The following PCSK2 variants were observed in gnomAD, a reference collection of about 807,000 sequenced individuals.
PCSK2 encodes the protein proprotein convertase subtilisin/kexin type 2.
PCSK2 carries 14 observed loss-of-function variants against 69.7 expected under a neutral mutation model. The observed-to-expected ratio is 0.20, with a 90% CI of 0.13 to 0.31. PCSK2 has a LOEUF of 0.31. PCSK2 is among the 10% of genes least tolerant of loss of function. PCSK2 has a pLI of 1.00. For missense variants in PCSK2, 544 were observed against 842.5 expected, an observed-to-expected ratio of 0.65 and a Z score of 4.39; for synonymous variants, 307 against 320.7, an observed-to-expected ratio of 0.96 and a Z score of 0.46.
chr20:17,390,271 A>T (rs938115819), intron 5 of PCSK2, among the ~76,000 whole-genome samples: 34 of 152,348 alleles, frequency 2.2e-4, no homozygotes, highest in African/African-American at 7.9e-4. Flanking sequence ...TGAGAAGGGC[A>T]TCATATGGTG....
chr20:17,247,098 T>C (rs1295510025), intron 1 of PCSK2, among the ~76,000 whole-genome samples: 2 of 152,146 alleles, frequency 1.3e-5, no homozygotes, highest in South Asian at 4.1e-4. Context: ...GAGAAAGAAA[T>C]GTTAGGAAGA....
chr20:17,390,052 G>A (rs1256739435), intron 5 of PCSK2, among the ~76,000 whole-genome samples: 12 of 152,350 alleles, frequency 7.9e-5, no homozygotes, highest in Admixed American at 5.9e-4. Flanking sequence ...TGTTTATACA[G>A]TGGAATACTA....
intron 8 of PCSK2, among the ~76,000 whole-genome samples, chr20:17,439,491 C>A (rs899252494): frequency 1.6e-4 from 25 of 152,302 alleles, no homozygotes; most frequent in African/African-American, 6.0e-4. Flanking sequence ...GCTTCTGTCC[C>A]TGTGTCCGTG....
chr20:17,437,213 A>G (rs565215500), intron 8 of PCSK2, among the ~76,000 whole-genome samples: 1 of 152,248 alleles, frequency 6.6e-6, no homozygotes, highest in Admixed American at 6.5e-5. Flanking sequence ...CTGCACTGGC[A>G]CCCCCACCAC....
intron 1 of PCSK2, among the ~76,000 whole-genome samples, chr20:17,246,812 A>G (rs1275721315): frequency 6.6e-6 from 1 of 151,928 alleles, no homozygotes; most frequent in African/African-American, 2.4e-5. Flanking sequence ...AAAAAAAAAA[A>G]GTGGTTTCTC....
chr20:17,458,134 A>G lies in PCSK2; in HGVS notation c.1202+1686A>G, dbSNP rs149617176. Among the ~76,000 whole-genome samples the G allele has an allele frequency of 5.9e-5, 9 of 152,344 alleles. 1 individual carries two copies. In the East Asian group the frequency reaches 9.6e-4, roughly 16 times the overall value. On this transcript the variant is annotated intron_variant, in intron 10 of 11. Transcript: ENST00000262545. ...CTGCTGGCATAAAGAGGAAAAAAATATAACACCTGGCAGCTTGTGGGTAAG... is the reference window on the plus strand; with the variant it reads ...CTGCTGGCATAAAGAGGAAAAAAATGTAACACCTGGCAGCTTGTGGGTAAG...
chr20:17,239,265 G>A (rs1402182284), intron 1 of PCSK2, among the ~76,000 whole-genome samples: 1 of 152,178 alleles, frequency 6.6e-6, no homozygotes, highest in East Asian at 1.9e-4. Context: ...AGTGATGATG[G>A]AAGCTCAAAC....
chr20:17,481,482 C>A, intron 11 of PCSK2, 102 bp from the exon 12 acceptor site: 1 of 1,046,744 alleles, frequency 9.6e-7, no homozygotes. Flanking sequence ...ATTGATCAAC[C>A]CCAAAGCCCT....
chr20:17,482,151 G>A lies in PCSK2; in HGVS notation c.*81G>A, dbSNP rs1029411406. 2.2e-5 allele frequency: 29 copies of A among 1,343,422 alleles called. No homozygotes were observed. The highest frequency in any genetic ancestry group is 2.9e-5 in the Non-Finnish European group (29 of 1,001,562). The allele number at this position is 1,343,422 out of a possible 1,614,324, so 83.2% of individuals were successfully genotyped here. A position where few individuals can be genotyped will look rare whatever the true frequency, so the allele number is the denominator to read the frequency against. ...GCTCCACGTTTCAGGCAGGCACCTA[G>A]CAATTCCATCACCCGTACAGGCAAT... On this transcript the variant is annotated 3_prime_UTR_variant, in exon 12 of 12. Coordinates refer to ENST00000262545, the MANE Select transcript of PCSK2 (RefSeq NM_002594.5).
At chr20:17,345,818 A>G (rs1347818557) in intron 2 of PCSK2, among the ~76,000 whole-genome samples, 1 of 152,096 alleles carries the variant, frequency 6.6e-6, no homozygotes, top group African/African-American at 2.4e-5. Flanking sequence ...AATACTCTCC[A>G]CCCACCCATC....
At position 17,294,098 on chromosome 20, in the gene PCSK2, C is replaced by CTTTTTTTT. The variant is rs34805695; in HGVS notation, c.282+33771_282+33778dup. On this transcript the variant is annotated intron_variant, in intron 2 of 11. Transcript: ENST00000262545. ...GTTGTAAACTTGTATAAAGTATTTT[C>CTTTTTTTT]TTTTTTTTTTTTTTTTTTTTTTTTG... is the stretch of plus-strand genomic sequence containing the variant. 2.2e-4 allele frequency among the ~76,000 whole-genome samples: 16 copies of CTTTTTTTT among 73,960 alleles called. 1 individual carries two copies. Among genetic ancestry groups the CTTTTTTTT allele is most frequent in the Admixed American group, 2.0e-4 (1 of 4,970 alleles). 48.5% of individuals were successfully genotyped at this position (73,960 alleles called of 152,430 possible).
At chr20:17,466,035 C>T (rs191302981) in intron 11 of PCSK2, among the ~76,000 whole-genome samples, 1 of 152,264 alleles carries the variant, frequency 6.6e-6, no homozygotes, top group African/African-American at 2.4e-5. Flanking sequence ...CAGGAGGCAC[C>T]ATTTACATAG....
At chr20:17,443,984 G>T (rs2032648291) in intron 8 of PCSK2, among the ~76,000 whole-genome samples, 1 of 152,188 alleles carries the variant, frequency 6.6e-6, no homozygotes, top group African/African-American at 2.4e-5. Context: ...ATTTCCCCAA[G>T]CAGTGGGAAT....
rs116325280 is a variant in PCSK2 at position 17,431,478 on chromosome 20, G to A, written c.709+1955G>A. Among the ~76,000 whole-genome samples the A allele has an allele frequency of 2.9e-3, 438 of 152,342 alleles. 3 individuals carry two copies. The highest frequency in any genetic ancestry group is 1.0e-2 in the African/African-American group (414 of 41,570). ...ATGCAGCCTGACACCTCAAAGACGC[G>A]ACTGGGCTTCTGTGAAGCCCAATGA... On this transcript the variant is annotated intron_variant, in intron 7 of 11. Transcript: ENST00000262545.
intron 6 of PCSK2, among the ~76,000 whole-genome samples, chr20:17,428,612 G>A (rs1217003360): frequency 6.6e-6 from 1 of 152,154 alleles, no homozygotes; most frequent in Non-Finnish European, 1.5e-5. Context: ...TGAGTGGAAA[G>A]ACCTTGTGCA....
chr20:17,322,686 T>C (rs1044502530), intron 2 of PCSK2, among the ~76,000 whole-genome samples: 5 of 152,172 alleles, frequency 3.3e-5, no homozygotes. Flanking sequence ...AGATGGCACC[T>C]TGTTGCTGCA....
intron 4 of PCSK2, among the ~76,000 whole-genome samples, chr20:17,361,976 A>C (rs2123216620): frequency 6.6e-6 from 1 of 152,308 alleles, no homozygotes; most frequent in Middle Eastern, 3.4e-3. Flanking sequence ...CCTAGGAGAT[A>C]TTGTCATGAC....
intron 4 of PCSK2, among the ~76,000 whole-genome samples, chr20:17,362,642 C>T (rs909958870): frequency 6.6e-6 from 1 of 152,148 alleles, no homozygotes; most frequent in African/African-American, 2.4e-5. Flanking sequence ...GTAGGCCTTC[C>T]AAAAGAGAAG....
intron 1 of PCSK2, among the ~76,000 whole-genome samples, chr20:17,249,095 T>C (rs1222914567): frequency 1.3e-5 from 2 of 152,000 alleles, no homozygotes; most frequent in Non-Finnish European, 2.9e-5. Flanking sequence ...AGTGCAGGGG[T>C]AGGTGGGTTC....
Sources: allele counts gnomAD v4.1 joint callset (sites outside exome capture counted in the v4.1 genomes callset), GRCh38; gene constraint gnomAD v4.1.1; transcripts MANE v1.5; gene names NCBI Gene and HGNC (gene_info 2026-07-23, HGNC 2026-07-21).